Variants in SACM1L observed in about 807,000 individuals in gnomAD.
SACM1L encodes phosphatidylinositol-3-phosphatase SAC1.
In SACM1L, 32 loss-of-function variants were observed where a neutral mutation model predicts 89.5. That is an observed-to-expected ratio of 0.36 (90% CI 0.27 to 0.48). The LOEUF is 0.48. Among genes scored for constraint, SACM1L ranks in the 20% least tolerant of loss-of-function variants. SACM1L has a pLI of 0.99. For synonymous variants in SACM1L, 213 were observed against 232.8 expected (o/e 0.92, Z 0.77); for missense variants, 543 against 708.5 (o/e 0.77, Z 2.65).
chr3:45,717,856 C>T (rs566706736), intron 7 of SACM1L, among the ~76,000 whole-genome samples: 7 of 152,308 alleles, frequency 4.6e-5, no homozygotes, highest in East Asian at 1.9e-4. Flanking sequence ...TTTGAGGCTG[C>T]GGTGAGCCAT....
chr3:45,741,012 G>A (rs1346667508), intron 19 of SACM1L, among the ~76,000 whole-genome samples: 2 of 152,212 alleles, frequency 1.3e-5, no homozygotes. Flanking sequence ...TAAGATTAAA[G>A]TGAGAAGAAT....
chr3:45,732,901 T>C (rs1559550719), intron 13 of SACM1L, among the ~76,000 whole-genome samples: 1 of 152,238 alleles, frequency 6.6e-6, no homozygotes, highest in Non-Finnish European at 1.5e-5. Context: ...TGTTACACAA[T>C]AATATAGTAA....
At chr3:45,698,052 A>G (rs776958648) in intron 1 of SACM1L, among the ~76,000 whole-genome samples, 4 of 152,210 alleles carry the variant, frequency 2.6e-5, no homozygotes, top group Non-Finnish European at 5.9e-5. Flanking sequence ...ATACCACTGA[A>G]TGTTTACTTA....
chr3:45,716,343 G>A (rs1303843958), intron 7 of SACM1L, among the ~76,000 whole-genome samples: 1 of 152,138 alleles, frequency 6.6e-6, no homozygotes, highest in Non-Finnish European at 1.5e-5. Flanking sequence ...ATGGTAGCAT[G>A]TGCCTGTAGT....
intron 1 of SACM1L, among the ~76,000 whole-genome samples, chr3:45,691,328 G>A (rs2742422): frequency 0.48 from 73,273 of 151,934 alleles, 18,202 homozygotes; most frequent in Middle Eastern, 0.57. Flanking sequence ...ATGAGTTAGA[G>A]TTTCCATTTT....
rs1226576066 is a variant in SACM1L, at chr3:45,731,312, G to C, written c.933G>C (p.Lys311Asn). Residue 311 changes from lysine (K) to asparagine (N), a missense_variant, in exon 12 of 20, where the codon AAG becomes AAC. Lys to Asn is a moderately conservative substitution (Grantham distance 94). Around this residue, in one of 2 missense-constraint regions of SACM1L, gnomAD observed 370 missense variants for 527.6 expected, o/e 0.70. Transcript: ENST00000389061. ...GAAATTTTTTACAGATTAACCAGAA[G>C]GGCTCGGAGAAGCCACTTGAGCAGA... ...KQVIINLINQ[K>N]GSEKPLEQTF... 4.3e-6 allele frequency: 7 copies of C among 1,611,678 alleles called. No homozygotes were observed. Among genetic ancestry groups the C allele is most frequent in the Non-Finnish European group, 5.9e-6 (7 of 1,178,460 alleles).
At chr3:45,741,481 T>A (rs551684066) in intron 19 of SACM1L, among the ~76,000 whole-genome samples, 1 of 152,334 alleles carries the variant, frequency 6.6e-6, no homozygotes, top group South Asian at 2.1e-4. Context: ...AGACTGTGTC[T>A]TACTCATTGT....
intron 11 of SACM1L, among the ~76,000 whole-genome samples, chr3:45,729,796 G>A (rs955599812): frequency 1.3e-5 from 2 of 151,632 alleles, no homozygotes; most frequent in African/African-American, 4.8e-5. Context: ...TTCAGAGCTT[G>A]GGTTTGTAGA....
At chr3:45,730,347 C>T (rs1699019156) in intron 11 of SACM1L, among the ~76,000 whole-genome samples, 1 of 88,838 alleles carries the variant, frequency 1.1e-5, no homozygotes, top group African/African-American at 5.2e-5. Context: ...CTCTGCTAAT[C>T]CATTTTTTTT....
intron 4 of SACM1L, 45 bp from the exon 5 acceptor site, chr3:45,709,453 A>AT: frequency 6.7e-7 from 1 of 1,500,732 alleles, no homozygotes; most frequent in Admixed American, 1.9e-5. Flanking sequence ...ATGCTGGCAG[A>AT]TTCCTTTTCA....
chr3:45,689,743 G>A, intron 1 of SACM1L: 1 of 593,280 alleles, frequency 1.7e-6, no homozygotes, highest in Non-Finnish European at 3.0e-6. Context: ...GAAGAGAGAA[G>A]CTGCCGACTG....
chr3:45,705,496 ATTTTTTTT>A (rs36040487), intron 3 of SACM1L, among the ~76,000 whole-genome samples: 87 of 103,206 alleles, frequency 8.4e-4, no homozygotes, highest in Middle Eastern at 0.011. Context: ...TGTAAATAAA[ATTTTTTTT>A]TTTTTTTTTT....
chr3:45,710,299 C>T (rs1446098838), intron 5 of SACM1L, among the ~76,000 whole-genome samples: 9 of 151,212 alleles, frequency 6.0e-5, no homozygotes, highest in Non-Finnish European at 8.8e-5. Flanking sequence ...CTCCTGGGTT[C>T]AAGCAATTCT....
rs367886562 is a variant in SACM1L, at chr3:45,709,574, A to G, written c.410A>G (p.Tyr137Cys). Residue 137 changes from tyrosine to cysteine, a missense_variant, in exon 5 of 20, where the codon TAT becomes TGT. By Grantham distance (194) the Tyr-to-Cys change is radical. Around this residue, in one of 2 missense-constraint regions of SACM1L, gnomAD observed 173 missense variants for 180.9 expected, o/e 0.96. Transcript: ENST00000389061. ...GATGGATTTTACTTTTCAACAACAT[A>G]TGATTTGACCCATACTTTGCAGCGG... ...NVDGFYFSTT[Y>C]DLTHTLQRLS... is the part of the protein sequence containing the mutation. The G allele has an allele frequency of 8.1e-6, 13 of 1,613,798 alleles. No homozygotes were observed. In the African/African-American group the frequency reaches 1.6e-4, roughly 20 times the overall value.
Position 45,726,869 on chromosome 3 carries a change from CTTTTTTTTTTTT to C in SACM1L, c.921+3342_921+3353del, listed in dbSNP as rs1158423503. On this transcript the variant is annotated intron_variant, in intron 11 of 19. Transcript: ENST00000389061. ...CCTCAGCACTGCTTTTGCTTTATTT[CTTTTTTTTTTTT>C]TTTTTTTTTTTTTTTGAGACGGAGT... is the stretch of plus-strand genomic sequence containing the variant. 2.1e-4 allele frequency among the ~76,000 whole-genome samples: 11 copies of C among 52,344 alleles called. 4 individuals carry two copies. Among genetic ancestry groups the C allele is most frequent in the African/African-American group, 5.6e-4 (6 of 10,788 alleles). The allele number at this position is 52,344 out of a possible 152,430, so 34.3% of individuals were successfully genotyped here.
At chr3:45,696,942 G>C (rs1698141449) in intron 1 of SACM1L, among the ~76,000 whole-genome samples, 1 of 152,160 alleles carries the variant, frequency 6.6e-6, no homozygotes, top group African/African-American at 2.4e-5. Flanking sequence ...CTTAAGAGCT[G>C]TTGAATCCCA....
intron 7 of SACM1L, among the ~76,000 whole-genome samples, chr3:45,715,184 A>G (rs1559543112): frequency 6.6e-6 from 1 of 152,170 alleles, no homozygotes. Flanking sequence ...ATGTACCCCT[A>G]TTAAGTGATG....
chr3:45,713,380 A>G (rs745981140), intron 6 of SACM1L, 184 bp downstream of exon 6: 132 of 461,770 alleles, frequency 2.9e-4, no homozygotes, highest in Admixed American at 2.4e-4. Flanking sequence ...AAGCCTAACT[A>G]TTTTACTCTG....
intron 4 of SACM1L, 134 bp downstream of exon 4, chr3:45,707,041 C>T: frequency 1.5e-6 from 1 of 689,314 alleles, no homozygotes; most frequent in Non-Finnish European, 2.3e-6. Context: ...GATCACTCTA[C>T]CTACTTTTCT....
Sources: gnomAD v4.1 joint callset for allele counts (sites outside exome capture counted in the v4.1 genomes callset) on GRCh38, gnomAD v4.1.1 for gene constraint, gnomAD v4.1.1 regional missense constraint, MANE v1.5 for transcripts, NCBI Gene and HGNC (gene_info 2026-07-23, HGNC 2026-07-21) for gene names.